Variants in MAPKBP1 observed in about 807,000 individuals in gnomAD.
The protein encoded by MAPKBP1 is mitogen-activated protein kinase binding protein 1.
Under a neutral mutation model 170.5 loss-of-function variants are expected in MAPKBP1, and 71 were observed. The observed-to-expected ratio is 0.42, with a 90% CI of 0.34 to 0.51. MAPKBP1 has a LOEUF of 0.51. Ranked by LOEUF, MAPKBP1 falls within the 20% of genes least tolerant of loss-of-function variation. The pLI, the probability that MAPKBP1 is intolerant of heterozygous loss-of-function variation, is 0.06. For missense variants in MAPKBP1, 1,598 were observed against 1,933.0 expected (o/e 0.83, Z 3.25); for synonymous variants, 719 against 757.9 (o/e 0.95, Z 0.84).
Position 41,822,577 on chromosome 15 carries a change from T to C in MAPKBP1, c.3230-16T>C, listed in dbSNP as rs759044725. On this transcript the variant is annotated splice_polypyrimidine_tract_variant and intron_variant, in intron 26 of 30. Transcript: ENST00000457542. ...TTGGTTTTTGCCCCAATTCATGATT[T>C]CTCTGACCTTGGTAGGGGCCCCAGT... 6.2e-7 allele frequency: 1 copy of C among 1,613,550 alleles called. No homozygotes were observed. Among genetic ancestry groups the C allele is most frequent in the East Asian group, 2.2e-5 (1 of 44,872 alleles).
chr15:41,792,620 A>T (rs2064413558), intron 2 of MAPKBP1, among the ~76,000 whole-genome samples: 1 of 152,118 alleles, frequency 6.6e-6, no homozygotes, highest in Non-Finnish European at 1.5e-5. Context: ...CTGTAGATGG[A>T]TGGGTCAGGG....
chr15:41,823,501 A>G lies in MAPKBP1; in HGVS notation c.3653A>G (p.Glu1218Gly). 6.2e-7 allele frequency: 1 copy of G among 1,614,076 alleles called. No individual in the cohort carries two copies. ...TCACCAGGCGCACTGCTGTCTCGGGAGATCGAAGCTCAGGATGGTCTGGGC... is the reference window on the plus strand; with the variant it reads ...TCACCAGGCGCACTGCTGTCTCGGGGGATCGAAGCTCAGGATGGTCTGGGC... The part of the protein sequence containing the change: ...APSPGALLSR[E>G]IEAQDGLGSL... The change falls in exon 29 of 31, where the codon GAG becomes GGG. Residue 1218 changes from glutamate to glycine, a missense_variant. Around this residue, in one of 6 missense-constraint regions of MAPKBP1, gnomAD observed 942 missense variants for 953.2 expected, o/e 0.99. Transcript: ENST00000457542.
At chr15:41,781,738 AT>A (rs374172645) in intron 2 of MAPKBP1, among the ~76,000 whole-genome samples, 76 of 148,334 alleles carry the variant, frequency 5.1e-4, no homozygotes, top group Admixed American at 9.4e-4. Flanking sequence ...CATATGGCTG[AT>A]TTTTTTTTTT....
intron 2 of MAPKBP1, among the ~76,000 whole-genome samples, chr15:41,783,878 G>A (rs1306755863): frequency 3.3e-5 from 5 of 152,174 alleles, no homozygotes; most frequent in Non-Finnish European, 1.5e-5. Context: ...GCGTGGTCGC[G>A]GGTGCCTGTA....
intron 6 of MAPKBP1, 68 bp downstream of exon 6, chr15:41,812,195 C>T (rs1596087058): frequency 6.3e-7 from 1 of 1,576,242 alleles, no homozygotes; most frequent in South Asian, 1.1e-5. Context: ...AGGCAAGAGA[C>T]TGCTGACCTG....
chr15:41,787,463 G>A (rs2064318758), intron 2 of MAPKBP1, among the ~76,000 whole-genome samples: 2 of 151,902 alleles, frequency 1.3e-5, no homozygotes, highest in Non-Finnish European at 2.9e-5. Flanking sequence ...TGCCTCCCAA[G>A]TTCAAGCAAT....
At chr15:41,821,513 G>C in intron 23 of MAPKBP1, 71 bp from the exon 24 acceptor site, 1 of 1,492,718 alleles carries the variant, frequency 6.7e-7, no homozygotes, top group Non-Finnish European at 9.3e-7. Flanking sequence ...GGATACTCAG[G>C]GCTTACCCCC....
intron 9 of MAPKBP1, 151 bp from the exon 10 acceptor site, chr15:41,814,399 G>T (rs771703207): frequency 1.5e-5 from 10 of 676,102 alleles, no homozygotes; most frequent in Non-Finnish European, 2.5e-5. Flanking sequence ...TCCTGCTGAT[G>T]GCTAGTAGGG....
At chr15:41,786,780 ATATATATATATAT>A (rs1567135610) in intron 2 of MAPKBP1, among the ~76,000 whole-genome samples, 2 of 65,678 alleles carry the variant, frequency 3.0e-5, no homozygotes, top group African/African-American at 1.1e-4. Context: ...AAAAAAAAAT[ATATATATATATAT>A]ATATATATAT....
chr15:41,783,877 C>T (rs747247234), intron 2 of MAPKBP1, among the ~76,000 whole-genome samples: 3 of 152,120 alleles, frequency 2.0e-5, no homozygotes, highest in Non-Finnish European at 4.4e-5. Flanking sequence ...GGCGTGGTCG[C>T]GGGTGCCTGT....
intron 1 of MAPKBP1, 90 bp from the exon 2 acceptor site, chr15:41,775,077 G>C: frequency 1.7e-6 from 1 of 578,722 alleles, no homozygotes; most frequent in South Asian, 2.1e-5. Context: ...TGAGGGAAAT[G>C]GTGAGAGCAA....
intron 2 of MAPKBP1, among the ~76,000 whole-genome samples, chr15:41,795,969 G>C (rs543195975): frequency 6.6e-6 from 1 of 152,178 alleles, no homozygotes; most frequent in Non-Finnish European, 1.5e-5. Context: ...ACTATAGGGG[G>C]TAAGGCCTGA....
rs746069777 is a variant in MAPKBP1, at chr15:41,822,143, G to A, written c.3031+33G>A. The A allele has an allele frequency of 3.8e-6, 6 of 1,592,526 alleles. No individual in the cohort carries two copies. The African/African-American group carries it at 4.0e-5, about 11-fold the overall frequency. On this transcript the variant is annotated intron_variant, in intron 25 of 30. Transcript: ENST00000457542. ...TGTAGCCTGGAGGGAGGGGCCATGG[G>A]GGGTGGGGCCTGGAGGTGGGTGGGG...
chr15:41,775,135 C>G lies in MAPKBP1; in HGVS notation c.-109-32C>G, dbSNP rs563941431. 4.5e-5 allele frequency: 29 copies of G among 649,290 alleles called. No individual in the cohort carries two copies. In the South Asian group the frequency reaches 4.6e-4, roughly 10 times the overall value. The allele number at this position is 649,290 out of a possible 1,614,324, so 40.2% of individuals were successfully genotyped here. A position where few individuals can be genotyped will look rare whatever the true frequency, so the allele number is the denominator to read the frequency against. ...ACTTCGCTAGGCAGAAGGTAAGACACTGTGATACTAAGGTGGCTTCTGCCA... is the reference window on the plus strand; with the variant it reads ...ACTTCGCTAGGCAGAAGGTAAGACAGTGTGATACTAAGGTGGCTTCTGCCA... On this transcript the variant is annotated intron_variant, in intron 1 of 30. Transcript: ENST00000457542.
In MAPKBP1 at chr15:41,815,289, G is replaced by A. The variant is rs1230622784; in HGVS notation, c.1201G>A (p.Ala401Thr). ...VYPEVKDSNQ[A>T]CLPPSSFITC... The stretch of plus-strand genomic sequence containing the variant: ...CCCCGAGGTGAAGGATAGTAACCAG[G>A]CCTGCCTGCCCCCCAGTTCCTTTAT... Residue 401 changes from alanine to threonine, a missense_variant, in exon 11 of 31, where the codon GCC (alanine) becomes ACC (threonine). Ala to Thr is a moderately conservative substitution (Grantham distance 58). Transcript: ENST00000457542. 2.5e-6 allele frequency: 4 copies of A among 1,614,054 alleles called. No homozygotes were observed. The South Asian group carries it at 3.3e-5, about 13-fold the overall frequency.
intron 9 of MAPKBP1, 108 bp downstream of exon 9, chr15:41,813,889 T>A: frequency 7.9e-7 from 1 of 1,266,494 alleles, no homozygotes; most frequent in Non-Finnish European, 1.1e-6. Context: ...CCCCAAAGAT[T>A]ATTGGGAACA....
chr15:41,812,896 G>A (rs757548752), intron 7 of MAPKBP1, 23 bp from the exon 8 acceptor site: 1 of 1,578,440 alleles, frequency 6.3e-7, no homozygotes, highest in East Asian at 2.2e-5. Context: ...GGATGGGGGT[G>A]TAACAGTGGT....
In MAPKBP1 at chr15:41,783,477, T is replaced by C. The variant is rs187760288; in HGVS notation, c.114+8088T>C. On this transcript the variant is annotated intron_variant, in intron 2 of 30. Coordinates refer to ENST00000457542, the MANE Select transcript of MAPKBP1 (RefSeq NM_014994.3). ...CCTGACTCCATGTGGCCATGCTGGC[T>C]CCAGGTTGCAAAGTTCTTTGAGCAA... 1.6e-3 allele frequency among the ~76,000 whole-genome samples: 244 copies of C among 152,304 alleles called. 1 individual carries two copies. Among genetic ancestry groups the C allele is most frequent in the African/African-American group, 5.7e-3 (237 of 41,568 alleles).
rs767034870 is a variant in MAPKBP1 at position 41,822,655 on chromosome 15, C to G, written c.3292C>G (p.Gln1098Glu). The G allele has an allele frequency of 4.3e-6, 7 of 1,613,938 alleles. No homozygotes were observed. Among genetic ancestry groups the G allele is most frequent in the South Asian group, 2.2e-5 (2 of 91,086 alleles). The change falls in exon 27 of 31, where the codon CAA (glutamine) becomes GAA (glutamate). Residue 1098 changes from glutamine (Q) to glutamate (E), a missense_variant. By Grantham distance (29) the Gln-to-Glu change is conservative (BLOSUM62 2). This residue lies in a region of MAPKBP1 where 942 missense variants were observed against 953.2 expected (regional missense o/e 0.99). Transcript: ENST00000457542. Reference protein sequence around the residue: ...SRSISSRFLLQVQTRPLREPS... With the variant: ...SRSISSRFLLEVQTRPLREPS... Reference sequence around the variant, plus strand: ...GAGTATCTCTTCACGATTCCTGTTGCAAGTACAGACCCGCCCACTCAGGTA... The same window carrying G: ...GAGTATCTCTTCACGATTCCTGTTGGAAGTACAGACCCGCCCACTCAGGTA...
Sources: allele counts gnomAD v4.1 joint callset (sites outside exome capture counted in the v4.1 genomes callset), GRCh38; gene constraint gnomAD v4.1.1; regional missense constraint gnomAD v4.1.1; transcripts MANE v1.5; gene names NCBI Gene and HGNC (gene_info 2026-07-23, HGNC 2026-07-21).